Variants in GPC6 observed in about 807,000 individuals in gnomAD.
The protein encoded by GPC6 is glypican-6.
A neutral mutation model predicts 55.2 loss-of-function variants in GPC6; 14 were observed. That is an observed-to-expected ratio of 0.25 (90% CI 0.17 to 0.40). The LOEUF (loss-of-function observed/expected upper bound fraction) is 0.40. Ranked by LOEUF, GPC6 falls within the 10% of genes least tolerant of loss-of-function variation. GPC6 has a pLI of 1.00. For missense variants in GPC6, 641 were observed against 708.5 expected, an observed-to-expected ratio of 0.90 and a Z score of 1.08; for synonymous variants, 278 against 259.6, an observed-to-expected ratio of 1.07 and a Z score of -0.68.
At chr13:93,570,145 A>G (rs1876333264) in intron 2 of GPC6, among the ~76,000 whole-genome samples, 1 of 152,154 alleles carries the variant, frequency 6.6e-6, no homozygotes, top group South Asian at 2.1e-4. Flanking sequence ...AGCTCATCCT[A>G]AAGAAAGATA....
At chr13:93,791,848 TG>T (rs1227837335) in intron 2 of GPC6, among the ~76,000 whole-genome samples, 3 of 152,214 alleles carry the variant, frequency 2.0e-5, no homozygotes, top group Non-Finnish European at 4.4e-5. Flanking sequence ...TGGGTGAAAT[TG>T]TGCTTCTAAC....
At chr13:94,160,233 C>A (rs992935184) in intron 4 of GPC6, among the ~76,000 whole-genome samples, 8 of 152,128 alleles carry the variant, frequency 5.3e-5, no homozygotes, top group Non-Finnish European at 4.4e-5. Context: ...ATACATTAAA[C>A]CTTACCATAG....
chr13:93,866,897 A>C (rs1194739867), intron 3 of GPC6, among the ~76,000 whole-genome samples: 1 of 151,810 alleles, frequency 6.6e-6, no homozygotes, highest in Non-Finnish European at 1.5e-5. Context: ...TAGTCAAAAA[A>C]TAAACATTTC....
intron 2 of GPC6, among the ~76,000 whole-genome samples, chr13:93,756,395 C>T (rs1209306153): frequency 6.6e-6 from 1 of 152,152 alleles, no homozygotes; most frequent in Non-Finnish European, 1.5e-5. Context: ...TTCCCAAAGA[C>T]AGAAATGTAC....
At chr13:93,430,801 C>A (rs922893363) in intron 1 of GPC6, among the ~76,000 whole-genome samples, 1 of 152,116 alleles carries the variant, frequency 6.6e-6, no homozygotes, top group African/African-American at 2.4e-5. Flanking sequence ...GCTATATCAC[C>A]ATCAAGCTAT....
intron 1 of GPC6, among the ~76,000 whole-genome samples, chr13:93,338,463 C>T (rs1880119441): frequency 6.6e-6 from 1 of 152,024 alleles, no homozygotes; most frequent in Admixed American, 6.5e-5. Context: ...GACCCATTTC[C>T]AGTAGACCTT....
intron 3 of GPC6, among the ~76,000 whole-genome samples, chr13:93,962,092 T>G (rs2140384593): frequency 6.6e-6 from 1 of 152,298 alleles, no homozygotes; most frequent in East Asian, 1.9e-4. Flanking sequence ...TCAGGAAAGT[T>G]AAGATCACAC....
chr13:93,587,567 G>A (rs1877264149), intron 2 of GPC6, among the ~76,000 whole-genome samples: 1 of 152,152 alleles, frequency 6.6e-6, no homozygotes, highest in South Asian at 2.1e-4. Context: ...GACCTGTCCT[G>A]CACAGAGGAG....
chr13:93,768,623 G>A (rs1401489356), intron 2 of GPC6, among the ~76,000 whole-genome samples: 1 of 152,192 alleles, frequency 6.6e-6, no homozygotes, highest in African/African-American at 2.4e-5. Context: ...GTAAAAGTGT[G>A]AGGAGACAAA....
intron 2 of GPC6, among the ~76,000 whole-genome samples, chr13:93,574,341 G>A (rs112662327): frequency 2.8e-4 from 43 of 152,248 alleles, no homozygotes; most frequent in African/African-American, 8.9e-4. Flanking sequence ...TATAAGTGAC[G>A]ACAGAGGAAG....
intron 1 of GPC6, among the ~76,000 whole-genome samples, chr13:93,334,944 G>A (rs1430730770): frequency 2.6e-5 from 4 of 152,130 alleles, no homozygotes; most frequent in Admixed American, 2.6e-4. Flanking sequence ...TGAAAATTAT[G>A]TATTTTACTT....
At chr13:93,717,532 T>C (rs1417012355) in intron 2 of GPC6, among the ~76,000 whole-genome samples, 1 of 151,702 alleles carries the variant, frequency 6.6e-6, no homozygotes, top group African/African-American at 2.4e-5. Flanking sequence ...CTATTAAATA[T>C]ATGCCTAATA....
At chr13:93,322,230 A>G (rs1037033502) in intron 1 of GPC6, among the ~76,000 whole-genome samples, 9 of 152,058 alleles carry the variant, frequency 5.9e-5, no homozygotes, top group African/African-American at 2.2e-4. Context: ...AGTTTGTTGT[A>G]CAAATTATTT....
intron 3 of GPC6, among the ~76,000 whole-genome samples, chr13:93,912,550 T>C (rs191062079): frequency 2.4e-4 from 36 of 152,198 alleles, no homozygotes; most frequent in South Asian, 8.3e-4. Flanking sequence ...GAGACCATCC[T>C]GGCTAACACG....
intron 1 of GPC6, among the ~76,000 whole-genome samples, chr13:93,501,046 A>G (rs1314482310): frequency 6.6e-6 from 1 of 152,164 alleles, no homozygotes. Flanking sequence ...TCCACACACG[A>G]GAACTTTATT....
chr13:93,335,382 G>T (rs746595934), intron 1 of GPC6, among the ~76,000 whole-genome samples: 1 of 151,968 alleles, frequency 6.6e-6, no homozygotes, highest in Admixed American at 6.6e-5. Flanking sequence ...TTTCATTTGG[G>T]TATCCCAACA....
At chr13:93,596,544 T>C (rs1877737997) in intron 2 of GPC6, among the ~76,000 whole-genome samples, 1 of 150,730 alleles carries the variant, frequency 6.6e-6, no homozygotes, top group Non-Finnish European at 1.5e-5. Context: ...TTTGAAGTAA[T>C]GTATTAGACA....
At chr13:93,930,532 A>G (rs1383550390) in intron 3 of GPC6, among the ~76,000 whole-genome samples, 2 of 151,992 alleles carry the variant, frequency 1.3e-5, no homozygotes, top group Non-Finnish European at 2.9e-5. Context: ...CGGCCTCCCA[A>G]TATTCTGGGA....
At chr13:93,369,846 T>C (rs1169028418) in intron 1 of GPC6, among the ~76,000 whole-genome samples, 1 of 152,200 alleles carries the variant, frequency 6.6e-6, no homozygotes, top group Non-Finnish European at 1.5e-5. Flanking sequence ...ATTATCATTA[T>C]TAAATTCATA....
Sources: allele counts gnomAD v4.1 joint callset (sites outside exome capture counted in the v4.1 genomes callset), GRCh38; gene constraint gnomAD v4.1.1; transcripts MANE v1.5; gene names NCBI Gene and HGNC (gene_info 2026-07-23, HGNC 2026-07-21).